The following GTF2F1 variants were observed in gnomAD, a reference collection of about 807,000 sequenced individuals.
The protein encoded by GTF2F1 is general transcription factor IIF 74 kDa subunit.
In GTF2F1, 39 loss-of-function variants were observed where a neutral mutation model predicts 63.5. The observed-to-expected ratio is 0.61, with a 90% CI of 0.48 to 0.80. The LOEUF (loss-of-function observed/expected upper bound fraction) is 0.80. Ranked by LOEUF, GTF2F1 falls within the 30% of genes least tolerant of loss-of-function variation. The pLI, the probability that GTF2F1 is intolerant of heterozygous loss-of-function variation, is 0.00. For synonymous variants in GTF2F1, 287 were observed against 285.3 expected (o/e 1.01, Z -0.06); for missense variants, 657 against 718.3 (o/e 0.91, Z 0.97).
Position 6,379,962 on chromosome 19 carries a change from A to G in GTF2F1, c.*319T>C. On this transcript the variant is annotated 3_prime_UTR_variant, in exon 13 of 13. Transcript: ENST00000394456. Reference sequence around the variant, plus strand: ...TTAGGGAAGTGGAAGGGAGAACTGTAGAAGTTACCCAGTGGGCAGCACAGG... The same window carrying G: ...TTAGGGAAGTGGAAGGGAGAACTGTGGAAGTTACCCAGTGGGCAGCACAGG... 2.4e-6 allele frequency: 1 copy of G among 416,874 alleles called. No homozygotes were observed. The highest frequency in any genetic ancestry group is 4.5e-6 in the Non-Finnish European group (1 of 223,262). The allele number at this position is 416,874 out of a possible 1,614,324, so 25.8% of individuals were successfully genotyped here.
chr19:6,380,371 C>T lies in GTF2F1; in HGVS notation c.1464G>A (p.Gln488=). Residue 488 remains glutamine, a synonymous_variant, in exon 13 of 13, where the codon CAG becomes CAA. Transcript: ENST00000394456. The surrounding 1 kb of genome is among the most constrained non-coding windows in gnomAD (Gnocchi z 5.3). ...GGATCTGGGCCAACACGTTCACTGT[C>T]TGCTCGCTGCTCAGCCCTGTCTTCT... ...QTKKTGLSSE[Q]TVNVLAQILK... 1 of 1,614,194 alleles carries T rather than the reference C, an allele frequency of 6.2e-7. No homozygotes were observed. The highest frequency in any genetic ancestry group is 8.5e-7 in the Non-Finnish European group (1 of 1,180,036).
In GTF2F1 at chr19:6,389,642, G is replaced by A. The variant is rs2091988788; in HGVS notation, c.133-5C>T. ...CAAGTCCCGCTCCAGCCGAGCCTAGGGGAGCAGGAAGCAAAGCCTCTCAGG... is the reference window on the plus strand; with the variant it reads ...CAAGTCCCGCTCCAGCCGAGCCTAGAGGAGCAGGAAGCAAAGCCTCTCAGG... On this transcript the variant is annotated splice_region_variant and splice_polypyrimidine_tract_variant and intron_variant, in intron 3 of 12. Transcript: ENST00000394456. 6.2e-7 allele frequency: 1 copy of A among 1,612,378 alleles called. No individual in the cohort carries two copies. The highest frequency in any genetic ancestry group is 8.5e-7 in the Non-Finnish European group (1 of 1,179,506).
Position 6,381,428 on chromosome 19 carries a change from G to A in GTF2F1, c.949C>T (p.Pro317Ser). The change falls in exon 9 of 13, where the codon CCT (proline) becomes TCT (serine). Residue 317 changes from proline (P) to serine (S), a missense_variant. This residue lies in a region of GTF2F1 where 602 missense variants were observed against 625.6 expected (regional missense o/e 0.96). Coordinates refer to ENST00000394456, the MANE Select transcript of GTF2F1 (RefSeq NM_002096.3). This position sits in a 1 kb window ranked among gnomAD's most constrained non-coding sequence, Gnocchi z 4.1. ...SSEESEEEKPPEEDKEEEEEK... is the reference protein window; with the variant it reads ...SSEESEEEKPSEEDKEEEEEK... Reference sequence around the variant, plus strand: ...TCCTCCTCCTCCTTGTCCTCCTCAGGCGGCTTCTCCTCCTCACTCTCCTCA... The same window carrying A: ...TCCTCCTCCTCCTTGTCCTCCTCAGACGGCTTCTCCTCCTCACTCTCCTCA... 6.2e-7 allele frequency: 1 copy of A among 1,610,356 alleles called. No individual in the cohort carries two copies. Among genetic ancestry groups the A allele is most frequent in the Non-Finnish European group, 8.5e-7 (1 of 1,179,792 alleles).
chr19:6,389,826 G>A (rs2091989719), intron 3 of GTF2F1, 189 bp from the exon 4 acceptor site: 4 of 513,674 alleles, frequency 7.8e-6, no homozygotes, highest in East Asian at 6.3e-5. Context: ...CGAGCCTTGC[G>A]CTCTATTTTT....
rs774277502 is a variant in GTF2F1 at position 6,381,855 on chromosome 19, G to A, written c.683-5C>T. The A allele has an allele frequency of 1.2e-6, 2 of 1,609,342 alleles. No homozygotes were observed. Among genetic ancestry groups the A allele is most frequent in the Admixed American group, 3.3e-5 (2 of 59,840 alleles). ...TGGCCTTGGGGACTCTGCCCCCTGGGAAGGGAGGAAAGGAAGGAAAGGAGG... is the reference window on the plus strand; with the variant it reads ...TGGCCTTGGGGACTCTGCCCCCTGGAAAGGGAGGAAAGGAAGGAAAGGAGG... On this transcript the variant is annotated splice_polypyrimidine_tract_variant and splice_region_variant and intron_variant, in intron 6 of 12. Transcript: ENST00000394456. This position sits in a 1 kb window ranked among gnomAD's most constrained non-coding sequence, Gnocchi z 4.1.
In GTF2F1 at chr19:6,380,935, G is replaced by A; in HGVS notation, c.1200C>T (p.Thr400=). The A allele has an allele frequency of 1.9e-6, 3 of 1,581,852 alleles. No homozygotes were observed. The highest frequency in any genetic ancestry group is 2.6e-6 in the Non-Finnish European group (3 of 1,164,858). The change falls in exon 11 of 13, where the codon ACC becomes ACT. Residue 400 remains threonine (T), a synonymous_variant. Coordinates refer to ENST00000394456, the MANE Select transcript of GTF2F1 (RefSeq NM_002096.3). The surrounding 1 kb of genome is among the most constrained non-coding windows in gnomAD (Gnocchi z 5.3). The part of the protein sequence containing the change: ...PSAEGGSTSS[T]LRAAASKLEQ... Reference sequence around the variant, plus strand: ...CGAGTTTGCTGGCAGCCGCCCGCAGGGTGGAGGAGGTGCTGCCACCCTCTG... The same window carrying A: ...CGAGTTTGCTGGCAGCCGCCCGCAGAGTGGAGGAGGTGCTGCCACCCTCTG...
chr19:6,380,596 T>G lies in GTF2F1; in HGVS notation c.1326A>C (p.Ser442=). Residue 442 remains serine (S), a synonymous_variant, in exon 12 of 13, where the codon TCA becomes TCC. Coordinates refer to ENST00000394456, the MANE Select transcript of GTF2F1 (RefSeq NM_002096.3). This position sits in a 1 kb window ranked among gnomAD's most constrained non-coding sequence, Gnocchi z 5.3. ...ACCCGCTGTTGGGTGTTGTCTTGCC[T>G]GATGGTGGCTGGGGTGTCGACTTCC... ...LSGKSTPQPP[S]GKTTPNSGDV... The G allele has an allele frequency of 6.2e-7, 1 of 1,614,032 alleles. No individual in the cohort carries two copies.
At position 6,381,779 on chromosome 19, in the gene GTF2F1, C is replaced by A; in HGVS notation, c.754G>T (p.Gly252Cys). The A allele has an allele frequency of 6.2e-7, 1 of 1,613,708 alleles. No individual in the cohort carries two copies. Among genetic ancestry groups the A allele is most frequent in the Non-Finnish European group, 8.5e-7 (1 of 1,179,662 alleles). Residue 252 changes from glycine to cysteine, a missense_variant, in exon 7 of 13, where the codon GGT becomes TGT. Around this residue, in one of 2 missense-constraint regions of GTF2F1, gnomAD observed 602 missense variants for 625.6 expected, o/e 0.96. Transcript: ENST00000394456. This position sits in a 1 kb window ranked among gnomAD's most constrained non-coding sequence, Gnocchi z 4.1. ...KGGRKKKKKKGSDDEAFEDSD... is the reference protein window; with the variant it reads ...KGGRKKKKKKCSDDEAFEDSD... ...TCCTCGAAGGCCTCGTCGTCTGAAC[C>A]CTTCTTCTTCTTCTTTTTCCTGCCG...
At position 6,389,572 on chromosome 19, in the gene GTF2F1, G is replaced by A. The variant is rs749490433; in HGVS notation, c.198C>T (p.Gly66=). 6.8e-6 allele frequency: 11 copies of A among 1,613,970 alleles called. No individual in the cohort carries two copies. Among genetic ancestry groups the A allele is most frequent in the African/African-American group, 1.3e-5 (1 of 74,930 alleles). Residue 66 remains glycine (G), a synonymous_variant, in exon 4 of 13, where the codon GGC becomes GGT. Coordinates refer to ENST00000394456, the MANE Select transcript of GTF2F1 (RefSeq NM_002096.3). ...GCTTGCGGTTGAACTCACTGCCCGC[G>A]CCCGATTCGGGCATCTCCTCCTCTT... ...IYQEEEMPES[G]AGSEFNRKLR...
Position 6,381,650 on chromosome 19 carries a change from C to T in GTF2F1, c.837-35G>A, listed in dbSNP as rs376228766. 2,399 of 1,613,928 alleles carry T rather than the reference C, an allele frequency of 1.5e-3. 2 individuals carry two copies. Among genetic ancestry groups the T allele is most frequent in the Non-Finnish European group, 1.9e-3 (2,219 of 1,180,044 alleles). ...GGGGATGGCAAAGGATGAGCGCGCGCTCGCGAGGCTGCATGGGGTCTCGCA... is the reference window on the plus strand; with the variant it reads ...GGGGATGGCAAAGGATGAGCGCGCGTTCGCGAGGCTGCATGGGGTCTCGCA... On this transcript the variant is annotated intron_variant, in intron 7 of 12. Transcript: ENST00000394456. The surrounding 1 kb of genome is among the most constrained non-coding windows in gnomAD (Gnocchi z 4.1).
At chr19:6,382,096 G>A (rs1315075753) in intron 6 of GTF2F1, among the ~76,000 whole-genome samples, 3 of 152,058 alleles carry the variant, frequency 2.0e-5, no homozygotes, top group Admixed American at 2.0e-4. Flanking sequence ...CCCGGGCGAG[G>A]CACCTGATAA....
chr19:6,390,547 C>CAAAAAAAAAAAAAA (rs1328056848), intron 3 of GTF2F1: 1 of 40,500 alleles, frequency 2.5e-5, no homozygotes, highest in Non-Finnish European at 4.0e-5. Context: ...ACTCAGTCCC[C>CAAAAAAAAAAAAAA]AAAAAAAAAA....
chr19:6,380,737 C>G lies in GTF2F1; in HGVS notation c.1232-47G>C. Reference sequence around the variant, plus strand: ...TGAGTCTTGCAGGCAGGAGGCAGAACCCCTGGGCAGGACCCCAGGCTGGGC... The same window carrying G: ...TGAGTCTTGCAGGCAGGAGGCAGAAGCCCTGGGCAGGACCCCAGGCTGGGC... On this transcript the variant is annotated intron_variant, in intron 11 of 12. Transcript: ENST00000394456. This position sits in a 1 kb window ranked among gnomAD's most constrained non-coding sequence, Gnocchi z 5.3. 1 of 1,589,046 alleles carries G rather than the reference C, an allele frequency of 6.3e-7. No individual in the cohort carries two copies. The highest frequency in any genetic ancestry group is 2.2e-5 in the East Asian group (1 of 44,762).
intron 2 of GTF2F1, 85 bp downstream of exon 2, chr19:6,392,772 G>C: frequency 7.4e-7 from 1 of 1,349,632 alleles, no homozygotes; most frequent in Non-Finnish European, 1.1e-6. Flanking sequence ...CCACAGACAG[G>C]GCCAGAAATG....
chr19:6,382,799 C>CAAA (rs1159505037), intron 6 of GTF2F1, among the ~76,000 whole-genome samples: 5,968 of 81,402 alleles, frequency 0.073, 205 homozygotes, highest in Non-Finnish European at 0.12. Flanking sequence ...GATCCTGTCT[C>CAAA]AAAAAAAAAA....
intron 5 of GTF2F1, among the ~76,000 whole-genome samples, chr19:6,386,374 G>A (rs2091973865): frequency 6.6e-6 from 1 of 151,266 alleles, no homozygotes; most frequent in Admixed American, 6.6e-5. Context: ...GGCAACAAGA[G>A]CGAAACTCAG....
In GTF2F1 at chr19:6,381,055, G is replaced by A; in HGVS notation, c.1093-13C>T. The A allele has an allele frequency of 6.2e-7, 1 of 1,610,916 alleles. No individual in the cohort carries two copies. The highest frequency in any genetic ancestry group is 8.5e-7 in the Non-Finnish European group (1 of 1,178,690). ...GCGTCTTCTTCTTCTGCAGAGGTCAGGGTTGGGAGGTGGGTGAGTCTGCAA... is the reference window on the plus strand; with the variant it reads ...GCGTCTTCTTCTTCTGCAGAGGTCAAGGTTGGGAGGTGGGTGAGTCTGCAA... On this transcript the variant is annotated splice_polypyrimidine_tract_variant and intron_variant, in intron 10 of 12. Coordinates refer to ENST00000394456, the MANE Select transcript of GTF2F1 (RefSeq NM_002096.3). The surrounding 1 kb of genome is among the most constrained non-coding windows in gnomAD (Gnocchi z 4.1).
In GTF2F1 at chr19:6,389,388, G is replaced by A. The variant is rs2091987126; in HGVS notation, c.326+56C>T. On this transcript the variant is annotated intron_variant, in intron 4 of 12. Transcript: ENST00000394456. ...GTACCCCACAAAGTATGTAAGTTGA[G>A]GCCTGGGGATGTGGACTGGTCACTA... The A allele has an allele frequency of 3.3e-6, 5 of 1,523,332 alleles. No individual in the cohort carries two copies. In the South Asian group the frequency reaches 4.6e-5, roughly 14 times the overall value. The allele number at this position is 1,523,332 out of a possible 1,614,324, so 94.4% of individuals were successfully genotyped here.
At chr19:6,391,439 G>GTTTTTTT (rs11340944) in intron 3 of GTF2F1, among the ~76,000 whole-genome samples, 14 of 87,410 alleles carry the variant, frequency 1.6e-4, no homozygotes, top group African/African-American at 4.3e-4. Context: ...TGCCATTTCC[G>GTTTTTTT]TTTTTTTTTT....
Sources: gnomAD v4.1 joint callset for allele counts (sites outside exome capture counted in the v4.1 genomes callset) on GRCh38, gnomAD v4.1.1 for gene constraint, gnomAD v4.1.1 regional missense constraint, Gnocchi (gnomAD v3.1) non-coding constraint, MANE v1.5 for transcripts, NCBI Gene and HGNC (gene_info 2026-07-23, HGNC 2026-07-21) for gene names.